Variants in NIPAL2 observed in about 807,000 individuals in gnomAD.
The protein encoded by NIPAL2 is NIPA like domain containing 2, also known as NIPA-like protein 2.
A neutral mutation model predicts 48.9 loss-of-function variants in NIPAL2; 43 were observed. That is an observed-to-expected ratio of 0.88 (90% CI 0.69 to 1.13). NIPAL2 has a LOEUF of 1.13. Ranked by LOEUF, NIPAL2 falls within the 50% of genes most tolerant of loss-of-function variation. NIPAL2 has a pLI of 0.00. For synonymous variants in NIPAL2, 167 were observed against 174.6 expected (o/e 0.96, Z 0.34); for missense variants, 446 against 461.4 (o/e 0.97, Z 0.31).
intron 6 of NIPAL2, among the ~76,000 whole-genome samples, chr8:98,211,936 G>A (rs1416063624): frequency 6.6e-6 from 1 of 152,036 alleles, no homozygotes; most frequent in African/African-American, 2.4e-5. Flanking sequence ...AAGTAAATGG[G>A]TTGGTAAACA....
At chr8:98,286,711 C>T (rs567915258) in intron 1 of NIPAL2, among the ~76,000 whole-genome samples, 16 of 149,376 alleles carry the variant, frequency 1.1e-4, no homozygotes, top group Admixed American at 1.3e-4. Context: ...CAGGAGGCTG[C>T]GGCAGGAGAA....
intron 6 of NIPAL2, among the ~76,000 whole-genome samples, chr8:98,207,821 G>A (rs1004857718): frequency 6.6e-6 from 1 of 152,090 alleles, no homozygotes; most frequent in Admixed American, 6.6e-5. Context: ...ATACCACTTA[G>A]GAACCTATTT....
At chr8:98,211,280 G>A (rs1811301503) in intron 6 of NIPAL2, among the ~76,000 whole-genome samples, 1 of 151,934 alleles carries the variant, frequency 6.6e-6, no homozygotes, top group Non-Finnish European at 1.5e-5. Flanking sequence ...CCTATTTAAA[G>A]TTGGCTTCAT....
intron 3 of NIPAL2, among the ~76,000 whole-genome samples, chr8:98,239,515 A>C (rs1040647974): frequency 6.6e-6 from 1 of 152,242 alleles, no homozygotes; most frequent in Non-Finnish European, 1.5e-5. Context: ...GTAACAAAAA[A>C]CTGGAAATAC....
At chr8:98,289,629 G>A (rs1355094892) in intron 1 of NIPAL2, among the ~76,000 whole-genome samples, 2 of 151,904 alleles carry the variant, frequency 1.3e-5, no homozygotes, top group Non-Finnish European at 2.9e-5. Flanking sequence ...GGGACTACAG[G>A]CACGAGCTAC....
At chr8:98,217,276 CAG>C in intron 5 of NIPAL2, 1 of 985,416 alleles carries the variant, frequency 1.0e-6, no homozygotes, top group South Asian at 4.7e-5. Flanking sequence ...GAAGGAAAAA[CAG>C]ACATCTGTCT....
At chr8:98,221,948 G>T (rs1401854123) in intron 5 of NIPAL2, among the ~76,000 whole-genome samples, 1 of 152,096 alleles carries the variant, frequency 6.6e-6, no homozygotes, top group Non-Finnish European at 1.5e-5. Flanking sequence ...ATACCCAAAG[G>T]ATTATAAATC....
chr8:98,195,917 C>A (rs1563479456), intron 9 of NIPAL2, 25 bp downstream of exon 9: 1 of 1,504,414 alleles, frequency 6.6e-7, no homozygotes, highest in African/African-American at 1.4e-5. Flanking sequence ...ATTTCACATG[C>A]TTTACCTCTG....
At chr8:98,261,750 A>G (rs1476830369) in intron 1 of NIPAL2, among the ~76,000 whole-genome samples, 1 of 150,114 alleles carries the variant, frequency 6.7e-6, no homozygotes, top group Non-Finnish European at 1.5e-5. Context: ...AAGGCAGGCC[A>G]ACGTTCAGAT....
At chr8:98,194,645 A>G (rs1460802924) in intron 10 of NIPAL2, 83 bp downstream of exon 10, 2 of 688,832 alleles carry the variant, frequency 2.9e-6, no homozygotes, top group Non-Finnish European at 4.6e-6. Context: ...TATGTTTTAT[A>G]TTAACTTACC....
Position 98,193,109 on chromosome 8 carries a change from T to C in NIPAL2, c.1040-19A>G, listed in dbSNP as rs1358150643. 3 of 1,576,456 alleles carry C rather than the reference T, an allele frequency of 1.9e-6. No individual in the cohort carries two copies. Among genetic ancestry groups the C allele is most frequent in the Middle Eastern group, 1.7e-4 (1 of 5,994 alleles). On this transcript the variant is annotated intron_variant, in intron 10 of 10. Coordinates refer to ENST00000430223, the MANE Select transcript of NIPAL2 (RefSeq NM_001321635.2). ...TGTTTCCCTGTGGAGATAATAATCA[T>C]AGAGAATCTTTTGAGGTCTTACAGA... is the stretch of plus-strand genomic sequence containing the variant.
At position 98,205,054 on chromosome 8, in the gene NIPAL2, T is replaced by C. The variant is rs1394791451; in HGVS notation, c.791+57A>G. 3.2e-6 allele frequency: 5 copies of C among 1,572,872 alleles called. No individual in the cohort carries two copies. The African/African-American group carries it at 5.4e-5, about 17-fold the overall frequency. On this transcript the variant is annotated intron_variant, in intron 7 of 10. Coordinates refer to ENST00000430223, the MANE Select transcript of NIPAL2 (RefSeq NM_001321635.2). ...ATCATCTGAAGCCAGTAAAGATTAA[T>C]GCCCAGAGAAGCACCGGAATGTTGA...
intron 1 of NIPAL2, among the ~76,000 whole-genome samples, chr8:98,266,973 TA>T (rs879592285): frequency 0.037 from 5,369 of 145,328 alleles, 287 homozygotes; most frequent in African/African-American, 0.12. Flanking sequence ...ATGGTTCCTT[TA>T]AAAAAAAAAA....
chr8:98,231,924 A>T (rs543789857), intron 4 of NIPAL2: 1 of 152,198 alleles, frequency 6.6e-6, no homozygotes, highest in South Asian at 2.1e-4. Context: ...GCATGTTCAT[A>T]TGTTAATCTT....
Position 98,240,307 on chromosome 8 carries a change from A to G in NIPAL2, c.377-4093T>C, listed in dbSNP as rs370677500. Among the ~76,000 whole-genome samples, 14 of 152,296 alleles carry G rather than the reference A, an allele frequency of 9.2e-5. No individual in the cohort carries two copies. The South Asian group carries it at 1.9e-3, about 20-fold the overall frequency. The stretch of plus-strand genomic sequence containing the variant: ...CTCACTGATCTTGGTGCTTTATTAA[A>G]AAGTACTTTTTCGGGGGGAAAACTG... On this transcript the variant is annotated intron_variant, in intron 3 of 10. Coordinates refer to ENST00000430223, the MANE Select transcript of NIPAL2 (RefSeq NM_001321635.2).
intron 4 of NIPAL2, among the ~76,000 whole-genome samples, chr8:98,225,558 G>T (rs1338441656): frequency 6.6e-6 from 1 of 152,202 alleles, no homozygotes; most frequent in Non-Finnish European, 1.5e-5. Flanking sequence ...TGAAAAATCT[G>T]CTGCCAGATG....
chr8:98,208,544 G>T (rs1811151338), intron 6 of NIPAL2, among the ~76,000 whole-genome samples: 1 of 152,080 alleles, frequency 6.6e-6, no homozygotes, highest in Non-Finnish European at 1.5e-5. Flanking sequence ...CACCTCGTGG[G>T]TTCAAATAAT....
intron 3 of NIPAL2, among the ~76,000 whole-genome samples, chr8:98,247,856 T>G (rs754065738): frequency 2.6e-5 from 4 of 152,186 alleles, no homozygotes; most frequent in Non-Finnish European, 4.4e-5. Context: ...CCACAGAATA[T>G]CTAACCTATT....
At chr8:98,212,819 T>G (rs1811388317) in intron 5 of NIPAL2, among the ~76,000 whole-genome samples, 1 of 152,094 alleles carries the variant, frequency 6.6e-6, no homozygotes, top group Non-Finnish European at 1.5e-5. Context: ...GGGTAACACC[T>G]CCCACTAGAT....
Sources: allele counts gnomAD v4.1 joint callset (sites outside exome capture counted in the v4.1 genomes callset), GRCh38; gene constraint gnomAD v4.1.1; transcripts MANE v1.5; gene names NCBI Gene and HGNC (gene_info 2026-07-23, HGNC 2026-07-21).